MED27: variants seen among roughly 807,000 people sequenced by gnomAD.
MED27 encodes the protein mediator complex subunit 27, also known as mediator of RNA polymerase II transcription subunit 27.
A neutral mutation model predicts 38.2 loss-of-function variants in MED27; 30 were observed. That is an observed-to-expected ratio of 0.79 (90% CI 0.59 to 1.07). MED27 has a LOEUF of 1.07. Ranked by LOEUF, MED27 falls within the 50% of genes least tolerant of loss-of-function variation. The probability of loss-of-function intolerance (pLI) is 0.00; values close to 1 mark genes in which losing one functional copy is unlikely to be tolerated. For missense variants in MED27, 289 were observed against 397.5 expected (o/e 0.73, Z 2.32); for synonymous variants, 122 against 153.5 (o/e 0.79, Z 1.52).
chr9:131,891,008 TGG>T (rs1416643939), intron 5 of MED27, among the ~76,000 whole-genome samples: 1 of 152,196 alleles, frequency 6.6e-6, no homozygotes, highest in African/African-American at 2.4e-5. Flanking sequence ...CTGAATTCTA[TGG>T]GTGTATGGAT....
chr9:131,991,773 G>A (rs1475362677), intron 3 of MED27, among the ~76,000 whole-genome samples: 3 of 152,222 alleles, frequency 2.0e-5, no homozygotes, highest in East Asian at 1.9e-4. Context: ...CCAGGCTGGA[G>A]TGCAGTGGCG....
intron 3 of MED27, among the ~76,000 whole-genome samples, chr9:131,976,798 A>C (rs1831616202): frequency 6.6e-6 from 1 of 152,264 alleles, no homozygotes; most frequent in Non-Finnish European, 1.5e-5. Flanking sequence ...TGAATACAGC[A>C]GTAAACTAAG....
intron 2 of MED27, among the ~76,000 whole-genome samples, chr9:132,023,442 T>C (rs886243440): frequency 3.9e-5 from 6 of 152,186 alleles, no homozygotes; most frequent in African/African-American, 1.4e-4. Context: ...AAGAGAAAAA[T>C]GAGTTTCTAT....
chr9:131,928,549 C>G (rs1169451326), intron 4 of MED27, among the ~76,000 whole-genome samples: 1 of 152,192 alleles, frequency 6.6e-6, no homozygotes, highest in African/African-American at 2.4e-5. Context: ...GATCTGCACA[C>G]TTGGGTGAGG....
rs1425489096 is a variant in MED27, at chr9:131,862,771, A to G, written c.801+292T>C. 6.6e-6 allele frequency among the ~76,000 whole-genome samples: 1 copy of G among 152,190 alleles called. No homozygotes were observed. The highest frequency in any genetic ancestry group is 2.4e-5 in the African/African-American group (1 of 41,450). On this transcript the variant is annotated intron_variant, in intron 7 of 7. Coordinates refer to ENST00000292035, the MANE Select transcript of MED27 (RefSeq NM_004269.4). This position sits in a 1 kb window ranked among gnomAD's most constrained non-coding sequence, Gnocchi z 4.6. The stretch of plus-strand genomic sequence containing the variant: ...ACCACAGGGCCTGGCCCAGATTAGG[A>G]GCTCAATGAAATATCTGTGGACTAA...
intron 2 of MED27, among the ~76,000 whole-genome samples, chr9:132,039,380 T>C (rs1002892317): frequency 6.6e-6 from 1 of 152,140 alleles, no homozygotes; most frequent in Non-Finnish European, 1.5e-5. Flanking sequence ...ATAATAATAG[T>C]ACACACGCCT....
intron 3 of MED27, among the ~76,000 whole-genome samples, chr9:131,968,010 C>T (rs959675650): frequency 3.3e-5 from 5 of 151,616 alleles, no homozygotes; most frequent in Admixed American, 2.0e-4. Flanking sequence ...TTAGTAGAGA[C>T]GGGGTTTCAC....
At chr9:131,979,619 A>G (rs1269333561) in intron 3 of MED27, among the ~76,000 whole-genome samples, 3 of 152,202 alleles carry the variant, frequency 2.0e-5, no homozygotes, top group Admixed American at 6.5e-5. Context: ...CAGGTGCTCA[A>G]TGAAATATGG....
chr9:132,042,680 G>A (rs748252504), intron 2 of MED27, among the ~76,000 whole-genome samples: 2 of 152,186 alleles, frequency 1.3e-5, no homozygotes, highest in Non-Finnish European at 2.9e-5. Context: ...ACCATTGCAA[G>A]TTAGATCTTA....
At chr9:131,925,193 T>A (rs1335971764) in intron 4 of MED27, among the ~76,000 whole-genome samples, 1 of 152,208 alleles carries the variant, frequency 6.6e-6, no homozygotes, top group East Asian at 1.9e-4. Context: ...ACGGGTACTA[T>A]GGAATACGAA....
intron 3 of MED27, among the ~76,000 whole-genome samples, chr9:131,978,920 C>T (rs1831672190): frequency 6.6e-6 from 1 of 152,216 alleles, no homozygotes; most frequent in African/African-American, 2.4e-5. Flanking sequence ...GCTAGATCAT[C>T]CCTACCCTTT....
intron 4 of MED27, among the ~76,000 whole-genome samples, chr9:131,927,178 A>C (rs190359106): frequency 9.8e-5 from 15 of 152,316 alleles, no homozygotes; most frequent in Non-Finnish European, 1.5e-4. Context: ...TTAAATCATG[A>C]GTTATTAATT....
At chr9:131,878,737 C>A (rs1247899468) in intron 6 of MED27, among the ~76,000 whole-genome samples, 1 of 152,142 alleles carries the variant, frequency 6.6e-6, no homozygotes, top group Non-Finnish European at 1.5e-5. Context: ...CAGTGGCTGC[C>A]CCTGCAGAGT....
At chr9:132,047,220 A>G (rs1833361586) in intron 2 of MED27, among the ~76,000 whole-genome samples, 1 of 152,088 alleles carries the variant, frequency 6.6e-6, no homozygotes, top group South Asian at 2.1e-4. Context: ...GTGGAATGTG[A>G]ACGTGTATTC....
In MED27 at chr9:131,977,633, A is replaced by G. The variant is rs1248075911; in HGVS notation, c.479+36704T>C. ...GGGGGTTCTGGAATGCAGTGCAAAC[A>G]GCAGCACCCCAATAGCCTGGGGCTG... On this transcript the variant is annotated intron_variant, in intron 3 of 7. Transcript: ENST00000292035. Among the ~76,000 whole-genome samples the G allele has an allele frequency of 2.0e-5, 3 of 152,216 alleles. No individual in the cohort carries two copies. The East Asian group carries it at 5.8e-4, about 29-fold the overall frequency.
intron 4 of MED27, among the ~76,000 whole-genome samples, chr9:131,928,134 G>C (rs927410565): frequency 1.3e-5 from 2 of 152,176 alleles, no homozygotes; most frequent in Non-Finnish European, 2.9e-5. Flanking sequence ...AACAGGAGCC[G>C]CTCTGGACAC....
chr9:131,881,800 CTTTTTTTTTT>C lies in MED27; in HGVS notation c.723+2248_723+2257del, dbSNP rs61624043. Among the ~76,000 whole-genome samples the C allele has an allele frequency of 3.4e-3, 209 of 60,976 alleles. 2 individuals carry two copies. Among genetic ancestry groups the C allele is most frequent in the African/African-American group, 0.011 (185 of 17,094 alleles). 40.0% of individuals were successfully genotyped at this position (60,976 alleles called of 152,430 possible). ...CCTCCCTCCCTTCCTTCTTCTTCTTCTTTTTTTTTTTTTTTTTTTTTTTTGATGTAGTCTT... is the reference window on the plus strand; with the variant it reads ...CCTCCCTCCCTTCCTTCTTCTTCTTCTTTTTTTTTTTTTTGATGTAGTCTT... On this transcript the variant is annotated intron_variant, in intron 6 of 7. Coordinates refer to ENST00000292035, the MANE Select transcript of MED27 (RefSeq NM_004269.4).
At chr9:132,014,080 C>T (rs1250737934) in intron 3 of MED27, among the ~76,000 whole-genome samples, 1 of 150,012 alleles carries the variant, frequency 6.7e-6, no homozygotes, top group Non-Finnish European at 1.5e-5. Flanking sequence ...GTGGTGTGCG[C>T]TTGTAATCCC....
chr9:131,863,766 T>C (rs1006690133), intron 6 of MED27, among the ~76,000 whole-genome samples: 1 of 152,076 alleles, frequency 6.6e-6, no homozygotes, highest in Non-Finnish European at 1.5e-5. Flanking sequence ...GCGCGCCTGG[T>C]GTGGTCCCCT....
Sources: gnomAD v4.1 joint callset for allele counts (sites outside exome capture counted in the v4.1 genomes callset) on GRCh38, gnomAD v4.1.1 for gene constraint, Gnocchi (gnomAD v3.1) non-coding constraint, MANE v1.5 for transcripts, NCBI Gene and HGNC (gene_info 2026-07-23, HGNC 2026-07-21) for gene names.